The following RAI14 variants were observed in gnomAD, a reference collection of about 807,000 sequenced individuals.
The protein encoded by RAI14 is ankycorbin.
RAI14 carries 45 observed loss-of-function variants against 115.4 expected under a neutral mutation model. The observed-to-expected ratio is 0.39, with a 90% confidence interval of 0.31 to 0.50. The LOEUF (loss-of-function observed/expected upper bound fraction) is 0.50, where lower values mean the gene tolerates loss of function less well. Ranked by LOEUF, RAI14 falls within the 20% of genes least tolerant of loss-of-function variation. The probability of loss-of-function intolerance (pLI) is 0.85; values close to 1 mark genes in which losing one functional copy is unlikely to be tolerated. For synonymous variants in RAI14, 371 were observed against 415.4 expected, an observed-to-expected ratio of 0.89 and a Z score of 1.30; for missense variants, 939 against 1,131.2, an observed-to-expected ratio of 0.83 and a Z score of 2.44.
intron 16 of RAI14, 80 bp from the exon 17 acceptor site, chr5:34,829,652 G>T: frequency 1.6e-6 from 2 of 1,224,290 alleles, no homozygotes; most frequent in Non-Finnish European, 1.2e-6. Context: ...GCATTTGGCT[G>T]CAGCTTTCTC....
At chr5:34,666,608 ACTG>A (rs1743241681) in intron 1 of RAI14, among the ~76,000 whole-genome samples, 1 of 152,134 alleles carries the variant, frequency 6.6e-6, no homozygotes, top group Non-Finnish European at 1.5e-5. Flanking sequence ...TGTACTCAGA[ACTG>A]CTAATATCAG....
chr5:34,735,466 C>T (rs1744750952), intron 2 of RAI14, among the ~76,000 whole-genome samples: 1 of 152,060 alleles, frequency 6.6e-6, no homozygotes, highest in Non-Finnish European at 1.5e-5. Flanking sequence ...AGTCTCTGTA[C>T]GTAAAAGCTT....
At chr5:34,725,950 G>A (rs868728369) in intron 2 of RAI14, among the ~76,000 whole-genome samples, 17 of 100,900 alleles carry the variant, frequency 1.7e-4, no homozygotes, top group East Asian at 5.3e-4. Context: ...CAACAGGAGC[G>A]AAACTGCTTC....
chr5:34,707,028 C>T (rs1243266225), intron 2 of RAI14, among the ~76,000 whole-genome samples: 2 of 152,194 alleles, frequency 1.3e-5, no homozygotes, highest in Admixed American at 6.5e-5. Flanking sequence ...CAACATTTTA[C>T]TGTTACTTTC....
intron 2 of RAI14, among the ~76,000 whole-genome samples, chr5:34,725,495 C>T (rs1166277062): frequency 2.0e-5 from 3 of 151,980 alleles, no homozygotes; most frequent in African/African-American, 7.2e-5. Context: ...CTCTCCCACC[C>T]CCTTCCCTCT....
intron 2 of RAI14, among the ~76,000 whole-genome samples, chr5:34,696,927 T>TA (rs1561249109): frequency 6.6e-6 from 1 of 151,856 alleles, no homozygotes. Context: ...GGTCAGGAGT[T>TA]AGAGATCAGC....
intron 2 of RAI14, among the ~76,000 whole-genome samples, chr5:34,756,447 T>G (rs1296282861): frequency 6.6e-6 from 1 of 152,098 alleles, no homozygotes; most frequent in East Asian, 1.9e-4. Flanking sequence ...CAGGGTGTGG[T>G]GTCCACAGCC....
At chr5:34,722,152 G>C (rs77964141) in intron 2 of RAI14, among the ~76,000 whole-genome samples, 2 of 150,596 alleles carry the variant, frequency 1.3e-5, no homozygotes, top group Non-Finnish European at 2.9e-5. Context: ...TTGTGGCCCC[G>C]CCCACCCCCA....
chr5:34,657,917 A>G (rs1170092116), intron 1 of RAI14, among the ~76,000 whole-genome samples: 1 of 152,210 alleles, frequency 6.6e-6, no homozygotes, highest in East Asian at 1.9e-4. Context: ...TGATGTATAT[A>G]ATCTGATAAT....
intron 3 of RAI14, among the ~76,000 whole-genome samples, chr5:34,789,116 C>A (rs902912293): frequency 3.3e-5 from 5 of 152,198 alleles, no homozygotes; most frequent in Non-Finnish European, 7.3e-5. Flanking sequence ...ACCAGTCATG[C>A]TCTTAATGAG....
At chr5:34,782,707 C>A (rs561616420) in intron 3 of RAI14, among the ~76,000 whole-genome samples, 37 of 152,266 alleles carry the variant, frequency 2.4e-4, no homozygotes, top group Non-Finnish European at 3.4e-4. Context: ...TGCCACTATA[C>A]CTCCATGTTT....
intron 1 of RAI14, among the ~76,000 whole-genome samples, chr5:34,681,795 G>A (rs367694952): frequency 4.6e-5 from 7 of 151,426 alleles, no homozygotes; most frequent in African/African-American, 1.5e-4. Context: ...TGCTGTGCCC[G>A]CCCTGCTGCA....
intron 2 of RAI14, among the ~76,000 whole-genome samples, chr5:34,735,432 T>G (rs1328910217): frequency 6.6e-6 from 1 of 152,202 alleles, no homozygotes; most frequent in African/African-American, 2.4e-5. Context: ...TTTTTTTACA[T>G]TTTTCATCAT....
chr5:34,679,550 G>A (rs926879972), intron 1 of RAI14, among the ~76,000 whole-genome samples: 47 of 152,232 alleles, frequency 3.1e-4, no homozygotes, highest in African/African-American at 1.0e-3. Flanking sequence ...TCTAGAATCA[G>A]GCTGAGAAAA....
At chr5:34,787,776 A>C (rs1752465192) in intron 3 of RAI14, among the ~76,000 whole-genome samples, 1 of 151,700 alleles carries the variant, frequency 6.6e-6, no homozygotes, top group Admixed American at 6.6e-5. Context: ...AAAAGATTAA[A>C]TTCTCATTTA....
At chr5:34,689,506 C>T (rs958295618) in intron 2 of RAI14, among the ~76,000 whole-genome samples, 4 of 152,146 alleles carry the variant, frequency 2.6e-5, no homozygotes, top group African/African-American at 7.2e-5. Flanking sequence ...CTCTTCTGAA[C>T]CTCAGATTCC....
chr5:34,765,619 G>C (rs1435089613), intron 3 of RAI14, among the ~76,000 whole-genome samples: 1 of 152,182 alleles, frequency 6.6e-6, no homozygotes, highest in Non-Finnish European at 1.5e-5. Context: ...ACTGTTAAAG[G>C]CATTCAGTTT....
chr5:34,704,312 G>A (rs541731543), intron 2 of RAI14, among the ~76,000 whole-genome samples: 1 of 152,338 alleles, frequency 6.6e-6, no homozygotes, highest in East Asian at 1.9e-4. Flanking sequence ...ATGGATGGCT[G>A]TAGAGATGAA....
intron 3 of RAI14, among the ~76,000 whole-genome samples, chr5:34,790,802 T>G (rs1359522109): frequency 6.7e-6 from 1 of 150,064 alleles, no homozygotes; most frequent in Admixed American, 6.7e-5. Flanking sequence ...GTATAGAATA[T>G]TTAGTAAATT....
Sources: gnomAD v4.1 joint callset for allele counts (sites outside exome capture counted in the v4.1 genomes callset) on GRCh38, gnomAD v4.1.1 for gene constraint, MANE v1.5 for transcripts, NCBI Gene and HGNC (gene_info 2026-07-23, HGNC 2026-07-21) for gene names.